LAS1L: variants seen among roughly 807,000 people sequenced by gnomAD.
LAS1L encodes LAS1 like ribosome biogenesis factor, also known as ribosomal biogenesis protein LAS1L.
Under a neutral mutation model 57.3 loss-of-function variants are expected in LAS1L, and 5 were observed. The ratio of observed to expected loss-of-function variants is 0.09; its 90% CI spans 0.05 to 0.18. LAS1L has a LOEUF of 0.18. LAS1L is among the 10% of genes least tolerant of loss of function. The probability of loss-of-function intolerance (pLI) is 1.00; values close to 1 mark genes in which losing one functional copy is unlikely to be tolerated. For synonymous variants in LAS1L, 245 were observed against 231.7 expected, an observed-to-expected ratio of 1.06 and a Z score of -0.52; for missense variants, 360 against 568.3, an observed-to-expected ratio of 0.63 and a Z score of 3.73.
Position 65,515,016 on chromosome X carries a change from G to T in LAS1L, c.1928-43C>A, listed in dbSNP as rs747503397. 3 of 1,170,788 alleles carry T rather than the reference G, an allele frequency of 2.6e-6. No homozygotes were observed. In the East Asian group the frequency reaches 9.2e-5, roughly 36 times the overall value. Reference sequence around the variant, plus strand: ...GTGGCAAGACTGGGCTGATGAGCTGGTTCTCCGACTGGTGCACAGGCCTGC... The same window carrying T: ...GTGGCAAGACTGGGCTGATGAGCTGTTTCTCCGACTGGTGCACAGGCCTGC... On this transcript the variant is annotated intron_variant, in intron 12 of 13. Coordinates refer to ENST00000374811, the MANE Select transcript of LAS1L (RefSeq NM_031206.7).
Position 65,534,551 on chromosome X carries a change from C to A in LAS1L, c.165G>T (p.Thr55=). ...WLSRAEWDQV[T]VYLFCDDHKL... ...TATGGTCGTCACAGAACAGATAAAC[C>A]GTCACCTGGTCCCACTCGGCCCTGC... The change falls in exon 1 of 14, where the codon ACG becomes ACT. Residue 55 remains threonine (T), a synonymous_variant. Coordinates refer to ENST00000374811, the MANE Select transcript of LAS1L (RefSeq NM_031206.7). 8.3e-7 allele frequency: 1 copy of A among 1,209,048 alleles called. No homozygotes were observed. The highest frequency in any genetic ancestry group is 1.8e-5 in the South Asian group (1 of 56,367).
chrX:65,515,464 T>A (rs909561025), intron 12 of LAS1L, among the ~76,000 whole-genome samples: 1 of 108,262 alleles, frequency 9.2e-6, no homozygotes, highest in East Asian at 2.9e-4. Context: ...CTAGATTTCC[T>A]ACAAATCTAC....
chrX:65,519,180 G>A (rs1292740658), intron 11 of LAS1L, among the ~76,000 whole-genome samples: 1 of 111,583 alleles, frequency 9.0e-6, no homozygotes, highest in African/African-American at 3.3e-5. Context: ...GAAGCCCAGA[G>A]ACAAGAGCAA....
chrX:65,527,164 G>GTTGC (rs1194072971), intron 7 of LAS1L, among the ~76,000 whole-genome samples: 31 of 87,548 alleles, frequency 3.5e-4, no homozygotes, highest in Admixed American at 1.8e-3. Context: ...AGTGAGCCAA[G>GTTGC]ATCGTGCCAC....
In LAS1L at chrX:65,518,086, G is replaced by C; in HGVS notation, c.1828C>G (p.Pro610Ala). 8.3e-7 allele frequency: 1 copy of C among 1,210,188 alleles called. No individual in the cohort carries two copies. Among genetic ancestry groups the C allele is most frequent in the Non-Finnish European group, 1.1e-6 (1 of 894,027 alleles). Reference sequence around the variant, plus strand: ...GGGGACTCTTGCCCTGTAGAGAAAGGCCCCACCTCCATTCTGTCTTCCTCT... The same window carrying C: ...GGGGACTCTTGCCCTGTAGAGAAAGCCCCCACCTCCATTCTGTCTTCCTCT... ...DEEEDRMEVG[P>A]FSTGQESPTA... The change falls in exon 12 of 14, where the codon CCT becomes GCT. Residue 610 changes from proline to alanine, a missense_variant. Around this residue, in one of 7 missense-constraint regions of LAS1L, gnomAD observed 123 missense variants for 168.3 expected, o/e 0.73. Transcript: ENST00000374811.
intron 7 of LAS1L, among the ~76,000 whole-genome samples, chrX:65,525,406 C>G (rs976159455): frequency 3.6e-5 from 4 of 111,704 alleles, no homozygotes; most frequent in African/African-American, 1.3e-4. Flanking sequence ...TGCCTGGGAT[C>G]ATGGGGTCAA....
At chrX:65,527,910 A>C (rs771435034) in intron 7 of LAS1L, among the ~76,000 whole-genome samples, 5 of 112,239 alleles carry the variant, frequency 4.5e-5, no homozygotes, top group African/African-American at 1.6e-4. Flanking sequence ...TTTACCTCAA[A>C]CTTAGACAAG....
At chrX:65,525,604 G>A (rs1042131657) in intron 7 of LAS1L, among the ~76,000 whole-genome samples, 6 of 109,522 alleles carry the variant, frequency 5.5e-5, no homozygotes, top group African/African-American at 2.0e-4. Context: ...CAAAGTTAGA[G>A]GGGTTGCAGG....
intron 11 of LAS1L, chrX:65,518,825 C>T (rs2068740927): frequency 2.7e-5 from 20 of 754,463 alleles, no homozygotes; most frequent in Non-Finnish European, 3.1e-5. Context: ...TACATAAATG[C>T]ACAAAACAGC....
At position 65,518,064 on chromosome X, in the gene LAS1L, G is replaced by T. The variant is rs1286427765; in HGVS notation, c.1850C>A (p.Ser617Tyr). 1.1e-5 allele frequency: 13 copies of T among 1,210,283 alleles called. No individual in the cohort carries two copies. Among genetic ancestry groups the T allele is most frequent in the Non-Finnish European group, 1.5e-5 (13 of 895,058 alleles). Residue 617 changes from serine (S) to tyrosine (Y), a missense_variant, in exon 12 of 14, where the codon TCC becomes TAC. By Grantham distance (144) the Ser-to-Tyr change is moderately radical. Around this residue, in one of 7 missense-constraint regions of LAS1L, gnomAD observed 123 missense variants for 168.3 expected, o/e 0.73. Transcript: ENST00000374811. ...EVGPFSTGQE[S>Y]PTAENARLLA... ...AAGCCTAGCATTCTCGGCAGTGGGG[G>T]ACTCTTGCCCTGTAGAGAAAGGCCC...
At chrX:65,524,524 C>A in intron 9 of LAS1L, 40 bp downstream of exon 9, 1 of 520,011 alleles carries the variant, frequency 1.9e-6, no homozygotes, top group Admixed American at 2.7e-5. Flanking sequence ...ATAAACAAAA[C>A]AGAGATCTGG....
chrX:65,529,495 G>T, intron 5 of LAS1L, 99 bp downstream of exon 5: 1 of 941,558 alleles, frequency 1.1e-6, no homozygotes, highest in South Asian at 2.4e-5. Flanking sequence ...ATTCACCACA[G>T]CCCCAGAGGA....
chrX:65,520,734 C>T (rs2068816146), intron 11 of LAS1L: 24 of 752,049 alleles, frequency 3.2e-5, no homozygotes, highest in Admixed American at 8.9e-5. Context: ...CGGCATGTGT[C>T]GCATCCCTCT....
intron 11 of LAS1L, chrX:65,520,668 G>A (rs1316407243): frequency 6.6e-6 from 5 of 752,342 alleles, no homozygotes; most frequent in Non-Finnish European, 7.8e-6. Context: ...CTGCTTATCT[G>A]GGAAAGGCAG....
intron 12 of LAS1L, among the ~76,000 whole-genome samples, chrX:65,515,900 G>T (rs749487697): frequency 8.9e-6 from 1 of 111,879 alleles, no homozygotes; most frequent in African/African-American, 3.2e-5. Context: ...CCCATATACA[G>T]ATGCTCCACT....
intron 6 of LAS1L, 134 bp from the exon 7 acceptor site, chrX:65,528,503 CACA>C: frequency 2.3e-6 from 1 of 436,862 alleles, no homozygotes; most frequent in East Asian, 3.9e-5. Context: ...GGGGGGGGCC[CACA>C]ACTCCCCTAC....
rs1044220438 is a variant in LAS1L, at chrX:65,518,100, C to T, written c.1814G>A (p.Arg605Lys). The T allele has an allele frequency of 8.3e-7, 1 of 1,207,326 alleles. No individual in the cohort carries two copies. The highest frequency in any genetic ancestry group is 1.7e-5 in the African/African-American group (1 of 57,748). ...EDDEDDEEED[R>K]MEVGPFSTGQ... ...TGTAGAGAAAGGCCCCACCTCCATTCTGTCTTCCTCTTCATCATCTTCATC... is the reference window on the plus strand; with the variant it reads ...TGTAGAGAAAGGCCCCACCTCCATTTTGTCTTCCTCTTCATCATCTTCATC... The change falls in exon 12 of 14, where the codon AGA (arginine) becomes AAA (lysine). Residue 605 changes from arginine to lysine, a missense_variant. By Grantham distance (26) the Arg-to-Lys change is conservative. Around this residue, in one of 7 missense-constraint regions of LAS1L, gnomAD observed 123 missense variants for 168.3 expected, o/e 0.73. Coordinates refer to ENST00000374811, the MANE Select transcript of LAS1L (RefSeq NM_031206.7).
At chrX:65,517,222 C>G (rs1385281480) in intron 12 of LAS1L, among the ~76,000 whole-genome samples, 2 of 108,062 alleles carry the variant, frequency 1.9e-5, no homozygotes, top group African/African-American at 7.0e-5. Flanking sequence ...GACTTAATGC[C>G]CTAGGTTCCT....
intron 3 of LAS1L, among the ~76,000 whole-genome samples, chrX:65,532,357 A>G (rs765395632): frequency 2.2e-4 from 25 of 112,714 alleles, no homozygotes; most frequent in Non-Finnish European, 3.2e-4. Context: ...TGGGCAGGCC[A>G]AGCCCTCTGA....
Sources: gnomAD v4.1 joint callset for allele counts (sites outside exome capture counted in the v4.1 genomes callset) on GRCh38, gnomAD v4.1.1 for gene constraint, gnomAD v4.1.1 regional missense constraint, MANE v1.5 for transcripts, NCBI Gene and HGNC (gene_info 2026-07-23, HGNC 2026-07-21) for gene names.